Variants in CAMK4 observed in about 807,000 individuals in gnomAD.
CAMK4 encodes the protein calcium/calmodulin-dependent protein kinase type IV.
Under a neutral mutation model 44.9 loss-of-function variants are expected in CAMK4, and 22 were observed. That is an observed-to-expected ratio of 0.49 (90% CI 0.35 to 0.70). The LOEUF is 0.70. Ranked by LOEUF, CAMK4 falls within the 30% of genes least tolerant of loss-of-function variation. The probability of loss-of-function intolerance (pLI) is 0.01; values close to 1 mark genes in which losing one functional copy is unlikely to be tolerated. For missense variants in CAMK4, 498 were observed against 586.8 expected (o/e 0.85, Z 1.56); for synonymous variants, 218 against 215.4 (o/e 1.01, Z -0.11).
chr5:111,257,987 C>T (rs1749812113), intron 1 of CAMK4, among the ~76,000 whole-genome samples: 1 of 152,066 alleles, frequency 6.6e-6, no homozygotes, highest in Admixed American at 6.6e-5. Flanking sequence ...GGGAACAACA[C>T]ACACTGGGGC....
chr5:111,416,325 G>A (rs1272842952), intron 5 of CAMK4, among the ~76,000 whole-genome samples: 1 of 151,942 alleles, frequency 6.6e-6, no homozygotes, highest in Non-Finnish European at 1.5e-5. Flanking sequence ...CTTGCCAGAG[G>A]AATATTACAT....
intron 4 of CAMK4, among the ~76,000 whole-genome samples, chr5:111,390,258 A>T (rs548804375): frequency 7.2e-5 from 11 of 152,324 alleles, no homozygotes; most frequent in South Asian, 4.1e-4. Context: ...TAACTAAATA[A>T]GGAAAATGAG....
rs1172750136 is a variant in CAMK4, at chr5:111,473,348, G to A, written c.663G>A (p.Glu221=). 1.6e-5 allele frequency: 26 copies of A among 1,612,716 alleles called. No individual in the cohort carries two copies. The highest frequency in any genetic ancestry group is 2.0e-5 in the Non-Finnish European group (24 of 1,179,048). The change falls in exon 8 of 11, where the codon GAG becomes GAA. Residue 221 remains glutamate, a synonymous_variant. Coordinates refer to ENST00000282356, the MANE Select transcript of CAMK4 (RefSeq NM_001744.6). The part of the protein sequence containing the change: ...EILRGCAYGP[E]VDMWSVGIIT... Reference sequence around the variant, plus strand: ...TTAGAGGTTGTGCCTATGGACCTGAGGTGGACATGTGGTCTGTAGGAATAA... The same window carrying A: ...TTAGAGGTTGTGCCTATGGACCTGAAGTGGACATGTGGTCTGTAGGAATAA...
At chr5:111,463,899 C>T (rs1280004142) in intron 7 of CAMK4, among the ~76,000 whole-genome samples, 2 of 151,920 alleles carry the variant, frequency 1.3e-5, no homozygotes, top group Non-Finnish European at 2.9e-5. Flanking sequence ...GAGAAGGAAC[C>T]AGAAAAACAA....
chr5:111,484,116 G>A lies in CAMK4; in HGVS notation c.1072G>A (p.Asp358Asn). The A allele has an allele frequency of 6.2e-7, 1 of 1,614,152 alleles. No homozygotes were observed. Among genetic ancestry groups the A allele is most frequent in the Non-Finnish European group, 8.5e-7 (1 of 1,180,020 alleles). ...CCAGGAGAGCCACAAGGCTAGCCGA[G>A]ACCCTTCTCCAATCCAAGATGGCAA... is the stretch of plus-strand genomic sequence containing the variant. ...SIQESHKASR[D>N]PSPIQDGNED... is the part of the protein sequence containing the mutation. Residue 358 changes from aspartate to asparagine, a missense_variant, in exon 11 of 11, where the codon GAC becomes AAC. Physicochemically the swap from Asp to Asn is conservative, Grantham distance 23. This residue lies in a region of CAMK4 where 143 missense variants were observed against 144.9 expected (regional missense o/e 0.99). Coordinates refer to ENST00000282356, the MANE Select transcript of CAMK4 (RefSeq NM_001744.6). This position sits in a 1 kb window ranked among gnomAD's most constrained non-coding sequence, Gnocchi z 5.3.
intron 5 of CAMK4, among the ~76,000 whole-genome samples, chr5:111,395,124 G>T (rs895261257): frequency 2.0e-5 from 3 of 148,652 alleles, no homozygotes; most frequent in Non-Finnish European, 4.4e-5. Context: ...CACAAGAATT[G>T]CTTGAACTTG....
At chr5:111,314,896 A>G (rs1748355754) in intron 1 of CAMK4, among the ~76,000 whole-genome samples, 1 of 152,110 alleles carries the variant, frequency 6.6e-6, no homozygotes, top group African/African-American at 2.4e-5. Flanking sequence ...GATCATATCA[A>G]TTTAGATGAT....
intron 5 of CAMK4, among the ~76,000 whole-genome samples, chr5:111,431,327 G>A (rs996035062): frequency 7.9e-5 from 12 of 152,176 alleles, no homozygotes; most frequent in African/African-American, 2.9e-4. Context: ...AATGAAACTA[G>A]ACCCCTATGT....
intron 1 of CAMK4, chr5:111,265,878 G>C (rs1478559750): frequency 6.6e-6 from 1 of 152,158 alleles, no homozygotes; most frequent in Non-Finnish European, 1.5e-5. Flanking sequence ...ACAGAAGAAA[G>C]GGAAAGGGAA....
intron 10 of CAMK4, 134 bp downstream of exon 10, chr5:111,483,071 G>A: frequency 1.4e-6 from 1 of 693,024 alleles, no homozygotes; most frequent in Non-Finnish European, 2.1e-6. Context: ...GGAAAATCCT[G>A]CTTTGAAACT....
At chr5:111,315,804 C>T (rs1430898366) in intron 1 of CAMK4, among the ~76,000 whole-genome samples, 2 of 152,056 alleles carry the variant, frequency 1.3e-5, no homozygotes, top group East Asian at 1.9e-4. Context: ...TTAAAGTCTG[C>T]AGCCAGTGAC....
At chr5:111,347,931 T>C (rs990288140) in intron 2 of CAMK4, among the ~76,000 whole-genome samples, 2 of 152,138 alleles carry the variant, frequency 1.3e-5, no homozygotes, top group African/African-American at 4.8e-5. Flanking sequence ...GTGAAACATA[T>C]CACATTTAAG....
chr5:111,422,128 C>A (rs1279831176), intron 5 of CAMK4, among the ~76,000 whole-genome samples: 2 of 152,140 alleles, frequency 1.3e-5, no homozygotes, highest in Admixed American at 6.5e-5. Context: ...ATCTGTGAGA[C>A]ACTTGATTCT....
At chr5:111,398,747 A>C (rs1752113818) in intron 5 of CAMK4, among the ~76,000 whole-genome samples, 1 of 152,136 alleles carries the variant, frequency 6.6e-6, no homozygotes, top group Admixed American at 6.6e-5. Context: ...ACCAGCAAAA[A>C]ACTCTTATAA....
rs755478608 is a variant in CAMK4 at position 111,484,138 on chromosome 5, G to T, written c.1094G>T (p.Gly365Val). The change falls in exon 11 of 11, where the codon GGC becomes GTC. Residue 365 changes from glycine to valine, a missense_variant. Physicochemically the swap from Gly to Val is moderately radical, Grantham distance 109. Coordinates refer to ENST00000282356, the MANE Select transcript of CAMK4 (RefSeq NM_001744.6). This position sits in a 1 kb window ranked among gnomAD's most constrained non-coding sequence, Gnocchi z 5.3. The part of the protein sequence containing the change: ...ASRDPSPIQD[G>V]NEDMKAIPEG... ...CGAGACCCTTCTCCAATCCAAGATG[G>T]CAACGAGGACATGAAAGCTATTCCA... is the stretch of plus-strand genomic sequence containing the variant. The T allele has an allele frequency of 6.2e-7, 1 of 1,614,160 alleles. No homozygotes were observed. The highest frequency in any genetic ancestry group is 8.5e-7 in the Non-Finnish European group (1 of 1,180,022).
chr5:111,272,262 C>A (rs1750550959), intron 1 of CAMK4, among the ~76,000 whole-genome samples: 1 of 152,050 alleles, frequency 6.6e-6, no homozygotes, highest in Non-Finnish European at 1.5e-5. Context: ...CCAAATCTTT[C>A]TTTGTGTCTT....
At chr5:111,425,152 G>C (rs1334737314) in intron 5 of CAMK4, among the ~76,000 whole-genome samples, 1 of 130,438 alleles carries the variant, frequency 7.7e-6, no homozygotes, top group Non-Finnish European at 1.6e-5. Context: ...GACAGACCAA[G>C]ACGCTGTCTT....
chr5:111,252,255 G>T (rs1366177), intron 1 of CAMK4, among the ~76,000 whole-genome samples: 2 of 152,184 alleles, frequency 1.3e-5, no homozygotes, highest in Admixed American at 1.3e-4. Flanking sequence ...CTTGAGTGGG[G>T]ACTCTGATTG....
At chr5:111,467,392 A>T (rs1051965378) in intron 7 of CAMK4, among the ~76,000 whole-genome samples, 6 of 150,390 alleles carry the variant, frequency 4.0e-5, no homozygotes, top group African/African-American at 1.5e-4. Flanking sequence ...AAAAAAAAAA[A>T]AAAAAGCAGA....
Sources: gnomAD v4.1 joint callset for allele counts (sites outside exome capture counted in the v4.1 genomes callset) on GRCh38, gnomAD v4.1.1 for gene constraint, gnomAD v4.1.1 regional missense constraint, Gnocchi (gnomAD v3.1) non-coding constraint, MANE v1.5 for transcripts, NCBI Gene and HGNC (gene_info 2026-07-23, HGNC 2026-07-21) for gene names.